IL15RA: variants seen among roughly 807,000 people sequenced by gnomAD.
IL15RA encodes interleukin-15 receptor subunit alpha.
A neutral mutation model predicts 24.2 loss-of-function variants in IL15RA; 26 were observed. The observed-to-expected ratio is 1.07, with a 90% confidence interval of 0.79 to 1.49. IL15RA has a LOEUF of 1.49. Ranked by LOEUF, IL15RA falls within the 40% of genes most tolerant of loss-of-function variation. IL15RA has a pLI of 0.00. For missense variants in IL15RA, 354 were observed against 356.4 expected, an observed-to-expected ratio of 0.99 and a Z score of 0.05; for synonymous variants, 166 against 157.6, an observed-to-expected ratio of 1.05 and a Z score of -0.40.
Position 5,968,529 on chromosome 10 carries a change from T to A in IL15RA, c.89-2190A>T, listed in dbSNP as rs910281409. On this transcript the variant is annotated intron_variant, in intron 1 of 6. Transcript: ENST00000379977. The surrounding 1 kb of genome is among the most constrained non-coding windows in gnomAD (Gnocchi z 5.4). Reference sequence around the variant, plus strand: ...CACATCTTCTGCTAAGCTGATGGCGTGAGAGATGGAGTCGATCTCACAAGT... The same window carrying A: ...CACATCTTCTGCTAAGCTGATGGCGAGAGAGATGGAGTCGATCTCACAAGT... 2 of 521,638 alleles carry A rather than the reference T, an allele frequency of 3.8e-6. No individual in the cohort carries two copies. The highest frequency in any genetic ancestry group is 2.3e-5 in the South Asian group (1 of 43,932). The allele number at this position is 521,638 out of a possible 1,614,324, so 32.3% of individuals were successfully genotyped here.
At chr10:5,978,347 C>T (rs1255234452), upstream of IL15RA, among the ~76,000 whole-genome samples, 1 of 152,074 alleles carries the variant, frequency 6.6e-6, no homozygotes, top group Non-Finnish European at 1.5e-5. This position sits in a 1 kb window ranked among gnomAD's most constrained non-coding sequence, Gnocchi z 5.2. Context: ...TTCTTGGGGT[C>T]TCAAGTGAAG....
rs1199174930 is a variant in IL15RA, at chr10:5,958,828, G to A, written c.616+926C>T. Among the ~76,000 whole-genome samples, 1 of 152,158 alleles carries A rather than the reference G, an allele frequency of 6.6e-6. No homozygotes were observed. Among genetic ancestry groups the A allele is most frequent in the Non-Finnish European group, 1.5e-5 (1 of 68,030 alleles). ...TCTCTAGCAGAAAAATTTATGAACAGAAGATTAAAATAATTTTTGTCCATA... is the reference window on the plus strand; with the variant it reads ...TCTCTAGCAGAAAAATTTATGAACAAAAGATTAAAATAATTTTTGTCCATA... On this transcript the variant is annotated intron_variant, in intron 5 of 6. Transcript: ENST00000379977. The surrounding 1 kb of genome is among the most constrained non-coding windows in gnomAD (Gnocchi z 4.3).
intron 1 of IL15RA, among the ~76,000 whole-genome samples, chr10:5,976,542 G>T (rs971490559): frequency 9.2e-5 from 14 of 152,138 alleles, no homozygotes; most frequent in African/African-American, 3.1e-4. Context: ...GGGGTTCATA[G>T]CTTTCATCAG....
chr10:5,962,517 G>T lies in IL15RA; in HGVS notation c.382+1226C>A, dbSNP rs1835755947. 6.6e-6 allele frequency among the ~76,000 whole-genome samples: 1 copy of T among 151,748 alleles called. No individual in the cohort carries two copies. Among genetic ancestry groups the T allele is most frequent in the Non-Finnish European group, 1.5e-5 (1 of 67,956 alleles). ...TGAGGCAGGAAAATCACTTGAACCT[G>T]GGAGGCAGAGGTTGCAGTGAGCCAA... On this transcript the variant is annotated intron_variant, in intron 3 of 6. Coordinates refer to ENST00000379977, the MANE Select transcript of IL15RA (RefSeq NM_002189.4). The surrounding 1 kb of genome is among the most constrained non-coding windows in gnomAD (Gnocchi z 5.2).
rs372001301 is a variant in IL15RA, at chr10:5,960,924, C to CT, written c.383-358dup. ...CAGCAAGACCCTGTTTCTTTTCCTTCTTTTTTTGAGATGGAATCTTGCTCT... is the reference window on the plus strand; with the variant it reads ...CAGCAAGACCCTGTTTCTTTTCCTTCTTTTTTTTGAGATGGAATCTTGCTCT... On this transcript the variant is annotated intron_variant, in intron 3 of 6. Transcript: ENST00000379977. This position sits in a 1 kb window ranked among gnomAD's most constrained non-coding sequence, Gnocchi z 5.1. 1.9e-3 allele frequency among the ~76,000 whole-genome samples: 288 copies of CT among 152,062 alleles called. No homozygotes were observed. The highest frequency in any genetic ancestry group is 6.6e-3 in the African/African-American group (272 of 41,490).
rs1288637646 is a variant in IL15RA at position 5,962,065 on chromosome 10, A to G, written c.383-1498T>C. The stretch of plus-strand genomic sequence containing the variant: ...GCACCATTGTGTCTCGACAATGGCC[A>G]TCGGACCAGGTATTGGGGATGCGAA... On this transcript the variant is annotated intron_variant, in intron 3 of 6. Coordinates refer to ENST00000379977, the MANE Select transcript of IL15RA (RefSeq NM_002189.4). This position sits in a 1 kb window ranked among gnomAD's most constrained non-coding sequence, Gnocchi z 5.2. Among the ~76,000 whole-genome samples the G allele has an allele frequency of 1.3e-5, 2 of 152,168 alleles. No homozygotes were observed. Among genetic ancestry groups the G allele is most frequent in the Non-Finnish European group, 2.9e-5 (2 of 68,032 alleles).
intron 1 of IL15RA, among the ~76,000 whole-genome samples, chr10:5,969,258 T>A (rs897719451): frequency 7.6e-4 from 114 of 150,382 alleles, no homozygotes; most frequent in South Asian, 2.1e-3. Flanking sequence ...TTAAATTAAA[T>A]TTTTAAATTT....
At chr10:5,954,294 TG>T (rs370012227) in intron 6 of IL15RA, among the ~76,000 whole-genome samples, 204 of 152,060 alleles carry the variant, frequency 1.3e-3, no homozygotes, top group African/African-American at 4.8e-3. Flanking sequence ...TTGTATTTTT[TG>T]TAGAGATCAG....
At chr10:5,969,409 G>A (rs1170571763) in intron 1 of IL15RA, among the ~76,000 whole-genome samples, 2 of 151,430 alleles carry the variant, frequency 1.3e-5, no homozygotes, top group Admixed American at 1.3e-4. Flanking sequence ...GTCTCACTCT[G>A]TCTCCCAGCG....
At chr10:5,957,149 C>G (rs765974018) in intron 5 of IL15RA, among the ~76,000 whole-genome samples, 4 of 150,532 alleles carry the variant, frequency 2.7e-5, no homozygotes, top group Non-Finnish European at 5.9e-5. Context: ...TCAGTAGAGA[C>G]GGGGTTTCAC....
chr10:5,966,878 A>G lies in IL15RA; in HGVS notation c.89-539T>C, dbSNP rs922395892. 6.6e-6 allele frequency among the ~76,000 whole-genome samples: 1 copy of G among 151,998 alleles called. No individual in the cohort carries two copies. Among genetic ancestry groups the G allele is most frequent in the Admixed American group, 6.5e-5 (1 of 15,276 alleles). The stretch of plus-strand genomic sequence containing the variant: ...TCCCAGCTACTGGGGAGGCTGAGGC[A>G]GGAGAATTGCTTGAACCTGGGAGGC... On this transcript the variant is annotated intron_variant, in intron 1 of 6. Transcript: ENST00000379977. The surrounding 1 kb of genome is among the most constrained non-coding windows in gnomAD (Gnocchi z 6.4).
chr10:5,951,152 A>AAAAAAAAAAAAAC, downstream of IL15RA, among the ~76,000 whole-genome samples: 1 of 144,360 alleles, frequency 6.9e-6, no homozygotes, highest in African/African-American at 2.7e-5. Context: ...AAAAAAAAAA[A>AAAAAAAAAAAAAC]AAAAAAAAAA....
Position 5,965,220 on chromosome 10 carries a change from A to G in IL15RA, c.283+925T>C, listed in dbSNP as rs1410003530. On this transcript the variant is annotated intron_variant, in intron 2 of 6. Transcript: ENST00000379977. This position sits in a 1 kb window ranked among gnomAD's most constrained non-coding sequence, Gnocchi z 5.8. ...GCTTCTGGGACGTTTATCCAGGTGC[A>G]GACAGTTAAAAAAAAAAGTTGATTC... Among the ~76,000 whole-genome samples the G allele has an allele frequency of 2.0e-5, 1 of 50,056 alleles. No homozygotes were observed. The highest frequency in any genetic ancestry group is 6.8e-4 in the East Asian group (1 of 1,468). The allele number at this position is 50,056 out of a possible 152,430, so 32.8% of individuals were successfully genotyped here.
In IL15RA at chr10:5,960,662, C is replaced by T; in HGVS notation, c.383-95G>A. 11 of 1,020,864 alleles carry T rather than the reference C, an allele frequency of 1.1e-5. No homozygotes were observed. Among genetic ancestry groups the T allele is most frequent in the Non-Finnish European group, 1.6e-5 (11 of 668,662 alleles). 63.2% of individuals were successfully genotyped at this position (1,020,864 alleles called of 1,614,324 possible). A position where few individuals can be genotyped will look rare whatever the true frequency, so the allele number is the denominator to read the frequency against. On this transcript the variant is annotated intron_variant, in intron 3 of 6. Coordinates refer to ENST00000379977, the MANE Select transcript of IL15RA (RefSeq NM_002189.4). This position sits in a 1 kb window ranked among gnomAD's most constrained non-coding sequence, Gnocchi z 5.1. ...TGATGTGGGAGCTGCCATAGTGAGT[C>T]ACCCTGACCAGCCCTCCCTCTCTCA...
At chr10:5,976,025 G>GTGC (rs2132746877) in intron 1 of IL15RA, among the ~76,000 whole-genome samples, 1 of 152,304 alleles carries the variant, frequency 6.6e-6, no homozygotes, top group African/African-American at 2.4e-5. Flanking sequence ...TCTCACAGTG[G>GTGC]TGCTCCCCTA....
At position 5,966,722 on chromosome 10, in the gene IL15RA, AG is replaced by A. The variant is rs1180122768; in HGVS notation, c.89-384del. 1.3e-5 allele frequency among the ~76,000 whole-genome samples: 2 copies of A among 152,204 alleles called. No individual in the cohort carries two copies. Among genetic ancestry groups the A allele is most frequent in the South Asian group, 4.1e-4 (2 of 4,820 alleles). ...AAGTGCCTCCAGATAGGCCCCCTGCAGGCTCTCCCACAGGTCTCTGCGGCCA... is the reference window on the plus strand; with the variant it reads ...AAGTGCCTCCAGATAGGCCCCCTGCAGCTCTCCCACAGGTCTCTGCGGCCA... On this transcript the variant is annotated intron_variant, in intron 1 of 6. Transcript: ENST00000379977. The surrounding 1 kb of genome is among the most constrained non-coding windows in gnomAD (Gnocchi z 6.4).
At chr10:5,969,520 G>A (rs993004279) in intron 1 of IL15RA, among the ~76,000 whole-genome samples, 4 of 152,186 alleles carry the variant, frequency 2.6e-5, no homozygotes, top group Middle Eastern at 3.4e-3. Flanking sequence ...CCACAGATGT[G>A]CACCACCATG....
rs1564481255 is a variant in IL15RA at position 5,953,210 on chromosome 10, CA to C, written c.693-5del. The C allele has an allele frequency of 3.7e-6, 6 of 1,610,310 alleles. No homozygotes were observed. Among genetic ancestry groups the C allele is most frequent in the Non-Finnish European group, 4.2e-6 (5 of 1,176,582 alleles). ...GCTGGCCAGCGGGGGAGTTTGCCTG[CA>C]AAGCAGGTGGTTCATAGGTTTTGAA... On this transcript the variant is annotated splice_region_variant and splice_polypyrimidine_tract_variant and intron_variant, in intron 6 of 6. Coordinates refer to ENST00000379977, the MANE Select transcript of IL15RA (RefSeq NM_002189.4). The surrounding 1 kb of genome is among the most constrained non-coding windows in gnomAD (Gnocchi z 5.3).
At position 5,965,069 on chromosome 10, in the gene IL15RA, C is replaced by T. The variant is rs988566492; in HGVS notation, c.283+1076G>A. Reference sequence around the variant, plus strand: ...CTGCAGAGGGCGTGAGCTATGGGGCCGCTCCATGCAGGGGCGCGCTCATCC... The same window carrying T: ...CTGCAGAGGGCGTGAGCTATGGGGCTGCTCCATGCAGGGGCGCGCTCATCC... On this transcript the variant is annotated intron_variant, in intron 2 of 6. Transcript: ENST00000379977. This position sits in a 1 kb window ranked among gnomAD's most constrained non-coding sequence, Gnocchi z 5.8. Among the ~76,000 whole-genome samples the T allele has an allele frequency of 6.6e-6, 1 of 152,146 alleles. No individual in the cohort carries two copies. The highest frequency in any genetic ancestry group is 6.5e-5 in the Admixed American group (1 of 15,280).
Sources: allele counts gnomAD v4.1 joint callset (sites outside exome capture counted in the v4.1 genomes callset), GRCh38; gene constraint gnomAD v4.1.1; non-coding constraint Gnocchi (gnomAD v3.1); transcripts MANE v1.5; gene names NCBI Gene and HGNC (gene_info 2026-07-23, HGNC 2026-07-21).